The following FANCD2 variants were observed in gnomAD, a reference collection of about 807,000 sequenced individuals.
The protein encoded by FANCD2 is Fanconi anemia group D2 protein.
In FANCD2, 131 loss-of-function variants were observed where a neutral mutation model predicts 192.3. That is an observed-to-expected ratio of 0.68 (90% CI 0.59 to 0.79). The LOEUF (loss-of-function observed/expected upper bound fraction) is 0.79, where lower values mean the gene tolerates loss of function less well. FANCD2 is among the 30% of genes least tolerant of loss of function. The probability of loss-of-function intolerance (pLI) is 0.00; values close to 1 mark genes in which losing one functional copy is unlikely to be tolerated. For synonymous variants in FANCD2, 524 were observed against 612.5 expected, an observed-to-expected ratio of 0.86 and a Z score of 2.13; for missense variants, 1,508 against 1,701.6, an observed-to-expected ratio of 0.89 and a Z score of 2.00.
At position 10,047,919 on chromosome 3, in the gene FANCD2, T is replaced by G; in HGVS notation, c.1281T>G (p.Val427=). 6.2e-7 allele frequency: 1 copy of G among 1,612,638 alleles called. No individual in the cohort carries two copies. Among genetic ancestry groups the G allele is most frequent in the Non-Finnish European group, 8.5e-7 (1 of 1,180,050 alleles). ...CTCTCTACTCTTCCCCACTCAAGGT[T>G]CTTAAGGATATGTGTTCATCCATTC... ...LQSTFSVHYL[V]LKDMCSSILS... Residue 427 remains valine, a splice_region_variant and synonymous_variant, in exon 16 of 44, where the codon GTT becomes GTG. Coordinates refer to ENST00000675286, the MANE Select transcript of FANCD2 (RefSeq NM_001018115.3).
intron 32 of FANCD2, among the ~76,000 whole-genome samples, chr3:10,084,033 G>A (rs752837688): frequency 2.9e-4 from 44 of 151,358 alleles, no homozygotes; most frequent in Non-Finnish European, 5.2e-4. Flanking sequence ...TCACTCTGTC[G>A]CTCAGGCTGG....
At chr3:10,072,559 C>T (rs1285549358) in intron 26 of FANCD2, among the ~76,000 whole-genome samples, 6 of 152,164 alleles carry the variant, frequency 3.9e-5, no homozygotes, top group Non-Finnish European at 5.9e-5. Context: ...GGGTTACAGG[C>T]GCGAGCCACC....
At chr3:10,041,528 A>G in intron 9 of FANCD2, 95 bp from the exon 10 acceptor site, 3 of 922,450 alleles carry the variant, frequency 3.3e-6, no homozygotes, top group Non-Finnish European at 5.4e-6. Context: ...TATGTCCTTT[A>G]TTTTCATACT....
In FANCD2 at chr3:10,036,315, A is replaced by G; in HGVS notation, c.467A>G (p.Lys156Arg). ...GCCATTATCAAAACCTTATTTGAGA[A>G]GTTGCCAGAATATTTTTTTGAAAAG... ...QPAIIKTLFE[K>R]LPEYFFENKN... Residue 156 changes from lysine (K) to arginine (R), a missense_variant, in exon 7 of 44, where the codon AAG becomes AGG. By Grantham distance (26) the Lys-to-Arg change is conservative. Transcript: ENST00000675286. 1 of 1,613,156 alleles carries G rather than the reference A, an allele frequency of 6.2e-7. No homozygotes were observed. Among genetic ancestry groups the G allele is most frequent in the Non-Finnish European group, 8.5e-7 (1 of 1,179,302 alleles).
chr3:10,081,186 C>T lies in FANCD2; in HGVS notation c.3063C>T (p.Thr1021=). The change falls in exon 31 of 44, where the codon ACC becomes ACT. Residue 1021 remains threonine (T), a synonymous_variant. Transcript: ENST00000675286. ...EIVHCVFQLL[T]PMCNHLENIH... ...TTCATTGTGTTTTTCAACTGCTGAC[C>T]CCAATGTGTAACCACCTGGAGAACA... 6.2e-7 allele frequency: 1 copy of T among 1,614,146 alleles called. No homozygotes were observed. Among genetic ancestry groups the T allele is most frequent in the Non-Finnish European group, 8.5e-7 (1 of 1,180,024 alleles).
At position 10,039,690 on chromosome 3, in the gene FANCD2, G is replaced by A. The variant is rs35749514; in HGVS notation, c.571-31G>A. 5.3e-3 allele frequency: 8,516 copies of A among 1,613,410 alleles called. 426 individuals are homozygous for A. In the African/African-American group the frequency reaches 0.1, roughly 19 times the overall value. On this transcript the variant is annotated intron_variant, in intron 8 of 43. Coordinates refer to ENST00000675286, the MANE Select transcript of FANCD2 (RefSeq NM_001018115.3). ...AGTCTTTCTTTATTCTGGGTAATGTGCTGCAGTTCTAATAGTGTCTTCTAC... is the reference window on the plus strand; with the variant it reads ...AGTCTTTCTTTATTCTGGGTAATGTACTGCAGTTCTAATAGTGTCTTCTAC...
At chr3:10,064,996 A>C in intron 23 of FANCD2, 121 bp downstream of exon 23, 3 of 1,064,080 alleles carry the variant, frequency 2.8e-6, no homozygotes, top group Non-Finnish European at 4.3e-6. Context: ...GTATTTGGAG[A>C]GGTTAGGGAG....
chr3:10,065,799 A>G, intron 24 of FANCD2, 65 bp from the exon 25 acceptor site: 1 of 1,016,074 alleles, frequency 9.8e-7, no homozygotes, highest in South Asian at 1.3e-5. Flanking sequence ...AGCTAGCTCC[A>G]GAGGCAACCT....
At position 10,081,036 on chromosome 3, in the gene FANCD2, G is replaced by A. The variant is rs1044981851; in HGVS notation, c.2977-64G>A. 289 of 1,601,504 alleles carry A rather than the reference G, an allele frequency of 1.8e-4. 1 individual carries two copies. The highest frequency in any genetic ancestry group is 2.3e-4 in the Non-Finnish European group (274 of 1,171,170). ...CACAGGTTTGACTTGACTCCATTGC[G>A]AACCCTTAGTTTCTGAGACGCTATC... On this transcript the variant is annotated intron_variant, in intron 30 of 43. Coordinates refer to ENST00000675286, the MANE Select transcript of FANCD2 (RefSeq NM_001018115.3).
At chr3:10,032,323 C>G in intron 2 of FANCD2, 1 of 419,102 alleles carries the variant, frequency 2.4e-6, no homozygotes, top group Admixed American at 2.8e-5. Flanking sequence ...CTCTGTCACC[C>G]AGGCTGGAGT....
intron 1 of FANCD2, among the ~76,000 whole-genome samples, chr3:10,027,937 G>T (rs932887328): frequency 6.7e-6 from 1 of 148,832 alleles, no homozygotes; most frequent in South Asian, 2.1e-4. Context: ...ACTTCTTTAG[G>T]CCGGGCGGCT....
chr3:10,039,449 T>G (rs2086810058), intron 8 of FANCD2, 92 bp downstream of exon 8: 1 of 1,147,682 alleles, frequency 8.7e-7, no homozygotes, highest in African/African-American at 1.5e-5. Flanking sequence ...AACAGAAAAT[T>G]CATACTTTTC....
intron 37 of FANCD2, among the ~76,000 whole-genome samples, chr3:10,090,620 G>A (rs558364451): frequency 2.6e-5 from 4 of 151,800 alleles, no homozygotes; most frequent in South Asian, 2.1e-4. Context: ...CACCACACCC[G>A]GCTAATTTTT....
intron 8 of FANCD2, among the ~76,000 whole-genome samples, 161 bp from the exon 9 acceptor site, chr3:10,039,560 T>G (rs557893251): frequency 1.6e-4 from 25 of 152,356 alleles, no homozygotes; most frequent in Admixed American, 1.3e-3. Context: ...TAGATATCAT[T>G]TATTAAATAA....
At chr3:10,050,171 A>G (rs2087153251) in intron 17 of FANCD2, among the ~76,000 whole-genome samples, 1 of 152,160 alleles carries the variant, frequency 6.6e-6, no homozygotes, top group African/African-American at 2.4e-5. Context: ...CTCAGCATTG[A>G]GAGATAACTC....
intron 26 of FANCD2, among the ~76,000 whole-genome samples, chr3:10,069,694 C>A (rs1386157518): frequency 6.6e-6 from 1 of 152,140 alleles, no homozygotes; most frequent in African/African-American, 2.4e-5. Context: ...CAGCTCCTAA[C>A]CGCGAGTGAT....
At position 10,094,472 on chromosome 3, in the gene FANCD2, G is replaced by A. The variant is rs7613239; in HGVS notation, c.3963+109G>A. On this transcript the variant is annotated intron_variant, in intron 40 of 43. Coordinates refer to ENST00000675286, the MANE Select transcript of FANCD2 (RefSeq NM_001018115.3). Reference sequence around the variant, plus strand: ...GGAGTGTTCTACCTGGGCTCCTCTGGTCCACTTCAGCTGTAGCCAGAGATC... The same window carrying A: ...GGAGTGTTCTACCTGGGCTCCTCTGATCCACTTCAGCTGTAGCCAGAGATC... 8.3e-3 allele frequency: 7,491 copies of A among 905,902 alleles called. 382 individuals are homozygous for A. In the African/African-American group the frequency reaches 0.11, roughly 13 times the overall value. The allele number at this position is 905,902 out of a possible 1,614,324, so 56.1% of individuals were successfully genotyped here.
At chr3:10,043,779 G>C in intron 13 of FANCD2, 50 bp from the exon 14 acceptor site, 6 of 1,562,308 alleles carry the variant, frequency 3.8e-6, no homozygotes, top group Non-Finnish European at 5.3e-6. Flanking sequence ...GGTGTAACGT[G>C]TTTCGCTGAT....
At chr3:10,031,286 G>A (rs1038260130) in intron 2 of FANCD2, among the ~76,000 whole-genome samples, 9 of 152,066 alleles carry the variant, frequency 5.9e-5, no homozygotes, top group Non-Finnish European at 7.4e-5. Flanking sequence ...GGCAGATCAC[G>A]AGGTCAGGAG....
Sources: allele counts gnomAD v4.1 joint callset (sites outside exome capture counted in the v4.1 genomes callset), GRCh38; gene constraint gnomAD v4.1.1; transcripts MANE v1.5; gene names NCBI Gene and HGNC (gene_info 2026-07-23, HGNC 2026-07-21).